PLXDC2: variants seen among roughly 807,000 people sequenced by gnomAD.
PLXDC2 encodes plexin domain-containing protein 2.
Under a neutral mutation model 68.9 loss-of-function variants are expected in PLXDC2, and 40 were observed. That is an observed-to-expected ratio of 0.58 (90% CI 0.45 to 0.76). The LOEUF is 0.76. Ranked by LOEUF, PLXDC2 falls within the 30% of genes least tolerant of loss-of-function variation. The pLI, the probability that PLXDC2 is intolerant of heterozygous loss-of-function variation, is 0.00. For synonymous variants in PLXDC2, 243 were observed against 234.2 expected (o/e 1.04, Z -0.34); for missense variants, 644 against 661.9 (o/e 0.97, Z 0.30).
At chr10:19,988,475 T>C (rs1834686018) in intron 1 of PLXDC2, among the ~76,000 whole-genome samples, 1 of 152,068 alleles carries the variant, frequency 6.6e-6, no homozygotes, top group Admixed American at 6.6e-5. Flanking sequence ...AGATAATATT[T>C]AAGATTAGGT....
intron 1 of PLXDC2, among the ~76,000 whole-genome samples, chr10:19,996,050 T>A (rs1054161930): frequency 4.0e-5 from 6 of 151,646 alleles, no homozygotes; most frequent in African/African-American, 1.5e-4. Context: ...ATATAAGGAG[T>A]CATTCGAGGC....
intron 2 of PLXDC2, among the ~76,000 whole-genome samples, chr10:20,046,161 A>T (rs766431352): frequency 2.6e-5 from 4 of 152,170 alleles, no homozygotes; most frequent in Non-Finnish European, 5.9e-5. Context: ...AATTGTAATT[A>T]TACTTTAGGT....
At chr10:19,844,257 A>G (rs1288768542) in intron 1 of PLXDC2, among the ~76,000 whole-genome samples, 1 of 152,184 alleles carries the variant, frequency 6.6e-6, no homozygotes, top group Non-Finnish European at 1.5e-5. Context: ...GAGAAACTGG[A>G]TTAGGATCAT....
chr10:20,253,755 T>G (rs1010208687), intron 13 of PLXDC2, among the ~76,000 whole-genome samples: 1 of 152,158 alleles, frequency 6.6e-6, no homozygotes, highest in Non-Finnish European at 1.5e-5. Flanking sequence ...TTATATGAGT[T>G]TCGTATTATT....
intron 1 of PLXDC2, among the ~76,000 whole-genome samples, chr10:19,912,560 C>CA (rs1164755210): frequency 6.6e-6 from 1 of 151,992 alleles, no homozygotes; most frequent in East Asian, 1.9e-4. Context: ...TCCTGGACAA[C>CA]AGGAGTAATG....
chr10:19,892,699 T>C (rs1441968455), intron 1 of PLXDC2, among the ~76,000 whole-genome samples: 1 of 152,186 alleles, frequency 6.6e-6, no homozygotes, highest in East Asian at 1.9e-4. Context: ...CTTCTTATAG[T>C]TTCGGATTTC....
intron 2 of PLXDC2, chr10:20,043,246 G>A (rs1004119232): frequency 6.6e-6 from 1 of 152,132 alleles, no homozygotes; most frequent in Non-Finnish European, 1.5e-5. Context: ...AATAAAAGTT[G>A]CCATGACAAC....
chr10:20,034,330 G>T (rs1835545559), intron 2 of PLXDC2, among the ~76,000 whole-genome samples: 1 of 152,048 alleles, frequency 6.6e-6, no homozygotes, highest in African/African-American at 2.4e-5. Context: ...ATAAAATTAG[G>T]TTGATTAAAT....
At chr10:19,974,170 C>T (rs754715427) in intron 1 of PLXDC2, among the ~76,000 whole-genome samples, 1 of 152,198 alleles carries the variant, frequency 6.6e-6, no homozygotes, top group Non-Finnish European at 1.5e-5. Context: ...GAGAAAGACT[C>T]AAATTATCTA....
intron 1 of PLXDC2, among the ~76,000 whole-genome samples, chr10:19,878,440 A>G (rs1316763305): frequency 2.0e-5 from 3 of 152,238 alleles, no homozygotes; most frequent in African/African-American, 7.2e-5. Flanking sequence ...ATAAACATTT[A>G]AAGAAACATT....
intron 1 of PLXDC2, among the ~76,000 whole-genome samples, chr10:19,886,828 A>G (rs934922133): frequency 3.3e-5 from 5 of 152,192 alleles, no homozygotes; most frequent in African/African-American, 7.2e-5. Context: ...AAAAGAAAAA[A>G]CTTAGAAGAG....
intron 4 of PLXDC2, among the ~76,000 whole-genome samples, chr10:20,129,853 T>C (rs554244502): frequency 1.3e-5 from 2 of 152,234 alleles, no homozygotes; most frequent in African/African-American, 4.8e-5. Context: ...CTGTCTATTC[T>C]GTTCCTTTGG....
intron 1 of PLXDC2, among the ~76,000 whole-genome samples, chr10:19,943,035 C>G (rs879371780): frequency 7.2e-5 from 11 of 152,180 alleles, no homozygotes; most frequent in African/African-American, 2.4e-4. Context: ...TAAAAAGTCT[C>G]TTTGTCATGC....
chr10:20,253,209 A>T (rs1564368106), intron 13 of PLXDC2, among the ~76,000 whole-genome samples: 1 of 151,766 alleles, frequency 6.6e-6, no homozygotes. Context: ...TACTAAAAAT[A>T]CAAAAATTAG....
At chr10:20,133,004 G>A (rs971674360) in intron 4 of PLXDC2, among the ~76,000 whole-genome samples, 6 of 150,644 alleles carry the variant, frequency 4.0e-5, no homozygotes, top group African/African-American at 9.8e-5. Context: ...TTTTTCCTTC[G>A]TGGTTACCAC....
At chr10:20,212,088 G>T (rs1835077111) in intron 10 of PLXDC2, among the ~76,000 whole-genome samples, 1 of 151,932 alleles carries the variant, frequency 6.6e-6, no homozygotes, top group Non-Finnish European at 1.5e-5. Context: ...AGGAGTGAGG[G>T]GAGCTTGTGG....
At chr10:20,108,102 G>A (rs1833514648) in intron 4 of PLXDC2, among the ~76,000 whole-genome samples, 1 of 152,080 alleles carries the variant, frequency 6.6e-6, no homozygotes, top group East Asian at 1.9e-4. Context: ...AAAATTCACA[G>A]AAGAAAAACT....
At chr10:20,122,346 C>A (rs1589639893) in intron 4 of PLXDC2, among the ~76,000 whole-genome samples, 1 of 152,232 alleles carries the variant, frequency 6.6e-6, no homozygotes, top group South Asian at 2.1e-4. Flanking sequence ...ACGGACTTAC[C>A]CTCCACTGTG....
At chr10:20,252,210 A>T (rs1245471449) in intron 13 of PLXDC2, among the ~76,000 whole-genome samples, 1 of 152,194 alleles carries the variant, frequency 6.6e-6, no homozygotes, top group African/African-American at 2.4e-5. Context: ...TGCTGTCAAT[A>T]TGTGGCTGCT....
Sources: gnomAD v4.1 joint callset for allele counts (sites outside exome capture counted in the v4.1 genomes callset) on GRCh38, gnomAD v4.1.1 for gene constraint, MANE v1.5 for transcripts, NCBI Gene and HGNC (gene_info 2026-07-23, HGNC 2026-07-21) for gene names.